Variants in RPS6KA2 observed in about 807,000 individuals in gnomAD.
RPS6KA2 encodes the protein ribosomal protein S6 kinase alpha-2.
RPS6KA2 carries 42 observed loss-of-function variants against 91.8 expected under a neutral mutation model. The ratio of observed to expected loss-of-function variants is 0.46; its 90% CI spans 0.36 to 0.59. The LOEUF is 0.59. Ranked by LOEUF, RPS6KA2 falls within the 20% of genes least tolerant of loss-of-function variation. RPS6KA2 has a pLI of 0.00. For missense variants in RPS6KA2, 798 were observed against 978.5 expected, an observed-to-expected ratio of 0.82 and a Z score of 2.46; for synonymous variants, 414 against 393.6, an observed-to-expected ratio of 1.05 and a Z score of -0.61.
rs142893993 is a variant in RPS6KA2, at chr6:166,605,280, A to G, written c.99+21641T>C. ...CAATCTACAACAGGTAGATGACATC[A>G]AGTCTTACAGCATTTACAATAATTT... On this transcript the variant is annotated intron_variant, in intron 1 of 20. Coordinates refer to ENST00000265678, the MANE Select transcript of RPS6KA2 (RefSeq NM_021135.6). 2.2e-4 allele frequency among the ~76,000 whole-genome samples: 34 copies of G among 152,326 alleles called. No homozygotes were observed. The East Asian group carries it at 6.2e-3, about 28-fold the overall frequency.
intron 5 of RPS6KA2, among the ~76,000 whole-genome samples, chr6:166,505,750 G>GC (rs930760004): frequency 2.5e-4 from 38 of 152,160 alleles, no homozygotes; most frequent in Non-Finnish European, 3.7e-4. Context: ...CCACCCACCG[G>GC]CCCCCCGAGT....
At chr6:166,545,901 C>A (rs1389101905) in intron 1 of RPS6KA2, among the ~76,000 whole-genome samples, 2 of 152,186 alleles carry the variant, frequency 1.3e-5, no homozygotes, top group Admixed American at 1.3e-4. Flanking sequence ...AAAAGACGTG[C>A]AAAGAGTGGA....
intron 5 of RPS6KA2, among the ~76,000 whole-genome samples, chr6:166,507,395 C>T (rs1186016819): frequency 6.6e-6 from 1 of 150,614 alleles, no homozygotes; most frequent in African/African-American, 2.4e-5. Flanking sequence ...CACACCCACC[C>T]CACATCACAC....
At chr6:166,788,776 A>G (rs1440385701) in intron 2 of RPS6KA2, among the ~76,000 whole-genome samples, 2 of 152,210 alleles carry the variant, frequency 1.3e-5, no homozygotes, top group Non-Finnish European at 2.9e-5. Context: ...TAGGTACAGC[A>G]AATCATCATG....
chr6:166,803,649 T>C (rs747539665), intron 2 of RPS6KA2, among the ~76,000 whole-genome samples: 1 of 152,184 alleles, frequency 6.6e-6, no homozygotes, highest in Non-Finnish European at 1.5e-5. Context: ...AGCAAAACCA[T>C]ATTCCACACG....
intron 2 of RPS6KA2, among the ~76,000 whole-genome samples, chr6:166,664,139 T>C (rs1788249063): frequency 6.6e-6 from 1 of 152,250 alleles, no homozygotes; most frequent in South Asian, 2.1e-4. Context: ...TTTTTAGCAT[T>C]GCCTTTGCAA....
intron 1 of RPS6KA2, chr6:166,586,545 G>T: frequency 6.8e-7 from 1 of 1,475,304 alleles, no homozygotes; most frequent in Non-Finnish European, 9.2e-7. Context: ...TCCGCCAAGG[G>T]CTATGTCTAT....
chr6:166,472,507 G>A (rs1780809396), intron 10 of RPS6KA2, among the ~76,000 whole-genome samples: 1 of 152,136 alleles, frequency 6.6e-6, no homozygotes, highest in African/African-American at 2.4e-5. Context: ...GTCAACAGGG[G>A]AATAACACTT....
intron 2 of RPS6KA2, among the ~76,000 whole-genome samples, chr6:166,853,397 T>C (rs147724117): frequency 9.8e-5 from 15 of 152,328 alleles, no homozygotes; most frequent in African/African-American, 3.4e-4. Context: ...ACAAAGACGA[T>C]AAAACAGCAC....
At chr6:166,806,279 A>G (rs144033417) in intron 2 of RPS6KA2, among the ~76,000 whole-genome samples, 1 of 152,358 alleles carries the variant, frequency 6.6e-6, no homozygotes, top group Non-Finnish European at 1.5e-5. Context: ...AAGAAATTCA[A>G]CAAACTACAA....
intron 1 of RPS6KA2, among the ~76,000 whole-genome samples, chr6:166,617,082 G>C (rs904051106): frequency 1.3e-5 from 2 of 152,224 alleles, no homozygotes; most frequent in Non-Finnish European, 1.5e-5. Flanking sequence ...GCAGTCACAG[G>C]CTGGAATGTG....
intron 2 of RPS6KA2, among the ~76,000 whole-genome samples, chr6:166,795,561 T>G (rs1779202530): frequency 6.6e-6 from 1 of 152,206 alleles, no homozygotes; most frequent in Non-Finnish European, 1.5e-5. Context: ...CTTCTGAATT[T>G]TTCAGGATTT....
Position 166,648,584 on chromosome 6 carries a change from C to T in RPS6KA2, c.124-109800G>A, listed in dbSNP as rs1030259578. Among the ~76,000 whole-genome samples, 3 of 152,152 alleles carry T rather than the reference C, an allele frequency of 2.0e-5. No homozygotes were observed. Among genetic ancestry groups the T allele is most frequent in the South Asian group, 2.1e-4 (1 of 4,830 alleles). ...TGAGTTCGTATATTCCTGAATGACT[C>T]GCCATTTTAGTATTTTCACCTATCA... On this transcript the variant is annotated intron_variant, in intron 2 of 21. Transcript: ENST00000503859. This position sits in a 1 kb window ranked among gnomAD's most constrained non-coding sequence, Gnocchi z 4.8.
chr6:166,643,311 G>T (rs1167550792), intron 2 of RPS6KA2, among the ~76,000 whole-genome samples: 1 of 151,812 alleles, frequency 6.6e-6, no homozygotes, highest in Non-Finnish European at 1.5e-5. Context: ...GTGCCAAATA[G>T]GTTTACAATA....
At chr6:166,468,856 T>TCCATCTCAAAAAAAAAAAAAA (rs567161437) in intron 11 of RPS6KA2, among the ~76,000 whole-genome samples, 4 of 112,178 alleles carry the variant, frequency 3.6e-5, no homozygotes, top group African/African-American at 1.5e-4. Context: ...AGAGCGAGAC[T>TCCATCTCAAAAAAAAAAAAAA]AAAAAAAAAA....
intron 1 of RPS6KA2, among the ~76,000 whole-genome samples, chr6:166,625,823 A>G (rs1304783293): frequency 6.6e-6 from 1 of 152,210 alleles, no homozygotes; most frequent in Non-Finnish European, 1.5e-5. Context: ...GATCCTATCT[A>G]GTACTTCCAA....
At chr6:166,413,263 C>G (rs968398438) in intron 20 of RPS6KA2, among the ~76,000 whole-genome samples, 1 of 152,262 alleles carries the variant, frequency 6.6e-6, no homozygotes, top group East Asian at 1.9e-4. Context: ...ACAGCGAATG[C>G]CAGGGCCAGT....
chr6:166,702,828 C>T (rs1336171211), intron 2 of RPS6KA2: 5 of 1,014,462 alleles, frequency 4.9e-6, no homozygotes, highest in Non-Finnish European at 7.7e-6. Context: ...TTCTGATATA[C>T]GGTTTGTTCA....
chr6:166,471,315 T>A (rs1198698643), intron 10 of RPS6KA2, among the ~76,000 whole-genome samples: 1 of 152,122 alleles, frequency 6.6e-6, no homozygotes, highest in African/African-American at 2.4e-5. Flanking sequence ...ACTGCCCGTG[T>A]CCTGACCCCT....
Sources: gnomAD v4.1 joint callset for allele counts (sites outside exome capture counted in the v4.1 genomes callset) on GRCh38, gnomAD v4.1.1 for gene constraint, Gnocchi (gnomAD v3.1) non-coding constraint, MANE v1.5 for transcripts, NCBI Gene and HGNC (gene_info 2026-07-23, HGNC 2026-07-21) for gene names.